SNTG1: variants seen among roughly 807,000 people sequenced by gnomAD.
The protein encoded by SNTG1 is syntrophin gamma 1, also known as gamma-1-syntrophin.
In SNTG1, 39 loss-of-function variants were observed where a neutral mutation model predicts 74.7. The ratio of observed to expected loss-of-function variants is 0.52; its 90% CI spans 0.40 to 0.68. The LOEUF is 0.68. SNTG1 is among the 30% of genes least tolerant of loss of function. The pLI is 0.00. For missense variants in SNTG1, 685 were observed against 609.5 expected, an observed-to-expected ratio of 1.12 and a Z score of -1.30; for synonymous variants, 254 against 217.1, an observed-to-expected ratio of 1.17 and a Z score of -1.49.
chr8:50,660,595 C>T (rs115514158), intron 15 of SNTG1, among the ~76,000 whole-genome samples: 3,099 of 152,136 alleles, frequency 0.02, 40 homozygotes, highest in Middle Eastern at 0.041. Flanking sequence ...TACACTAATA[C>T]AACTTTTATC....
At chr8:49,938,639 C>CTTTCTTTCTTTCTTTCTTTCTTTCTTTA (rs1563371286) in intron 1 of SNTG1, among the ~76,000 whole-genome samples, 1 of 110,004 alleles carries the variant, frequency 9.1e-6, no homozygotes, top group Non-Finnish European at 1.9e-5. Flanking sequence ...TTCTTTCTTT[C>CTTTCTTTCTTTCTTTCTTTCTTTCTTTA]TTTCCTTCCT....
rs941042042 is a variant in SNTG1 at position 50,503,427 on chromosome 8, A to G, written c.466+547A>G. 3.3e-5 allele frequency among the ~76,000 whole-genome samples: 5 copies of G among 152,336 alleles called. No homozygotes were observed. The South Asian group carries it at 6.2e-4, about 19-fold the overall frequency. On this transcript the variant is annotated intron_variant, in intron 9 of 18. Coordinates refer to ENST00000642720, the MANE Select transcript of SNTG1 (RefSeq NM_018967.5). ...AATAATATATGTTTCACTGAGACATAATTTGTATGCAATAAAATACAAAGA... is the reference window on the plus strand; with the variant it reads ...AATAATATATGTTTCACTGAGACATGATTTGTATGCAATAAAATACAAAGA...
rs1163259375 is a variant in SNTG1, at chr8:50,607,478, CTTAT to C, written c.849+16565_849+16568del. 5.9e-5 allele frequency among the ~76,000 whole-genome samples: 9 copies of C among 151,620 alleles called. No homozygotes were observed. In the East Asian group the frequency reaches 9.7e-4, roughly 16 times the overall value. The stretch of plus-strand genomic sequence containing the variant: ...CTAGGAATTCATGCATTTCATTTTA[CTTAT>C]TTAAGTCATTGGTATATATTTATTT... On this transcript the variant is annotated intron_variant, in intron 13 of 18. Transcript: ENST00000642720.
intron 12 of SNTG1, among the ~76,000 whole-genome samples, chr8:50,577,236 T>C (rs561404517): frequency 6.5e-4 from 99 of 152,174 alleles, no homozygotes; most frequent in Non-Finnish European, 1.2e-3. Context: ...GATGATTATC[T>C]GCTTTTTGCT....
chr8:50,781,145 AG>A (rs2095658204), intron 18 of SNTG1, among the ~76,000 whole-genome samples: 1 of 152,146 alleles, frequency 6.6e-6, no homozygotes, highest in Non-Finnish European at 1.5e-5. Flanking sequence ...ATTTAGGAAT[AG>A]GTGTTGTATG....
chr8:49,987,611 A>C (rs183054198), intron 1 of SNTG1, among the ~76,000 whole-genome samples: 2 of 151,988 alleles, frequency 1.3e-5, no homozygotes, highest in African/African-American at 4.8e-5. Flanking sequence ...AGGTCGGTGC[A>C]AAAGTAATTG....
In SNTG1 at chr8:50,523,355, AGAGGC is replaced by A. The variant is rs2094195335; in HGVS notation, c.467-6821_467-6817del. ...ATTCACAACTTGGCTAACTGGCAGAAGAGGCTAAGCTTTTGGCTTATCTTGGCTTT... is the reference window on the plus strand; with the variant it reads ...ATTCACAACTTGGCTAACTGGCAGAATAAGCTTTTGGCTTATCTTGGCTTT... On this transcript the variant is annotated intron_variant, in intron 9 of 18. Coordinates refer to ENST00000642720, the MANE Select transcript of SNTG1 (RefSeq NM_018967.5). 2.0e-5 allele frequency among the ~76,000 whole-genome samples: 3 copies of A among 152,244 alleles called. No homozygotes were observed. The East Asian group carries it at 5.8e-4, about 29-fold the overall frequency.
At chr8:50,132,785 C>T (rs557659717) in intron 1 of SNTG1, among the ~76,000 whole-genome samples, 1 of 152,254 alleles carries the variant, frequency 6.6e-6, no homozygotes, top group South Asian at 2.1e-4. Context: ...ATAAAATTCT[C>T]AAAAGCCTTA....
chr8:49,987,917 T>C (rs1298658076), intron 1 of SNTG1, among the ~76,000 whole-genome samples: 1 of 152,098 alleles, frequency 6.6e-6, no homozygotes, highest in Admixed American at 6.5e-5. Flanking sequence ...CAAAGTTAAA[T>C]TAACCTTTTA....
chr8:50,214,799 G>A (rs770894372), intron 2 of SNTG1, among the ~76,000 whole-genome samples: 14 of 152,150 alleles, frequency 9.2e-5, no homozygotes, highest in Non-Finnish European at 1.8e-4. Context: ...CTGGCAAATA[G>A]AGAATAGCCA....
chr8:50,123,782 C>T lies in SNTG1; in HGVS notation c.-102-48779C>T, dbSNP rs1017099300. The stretch of plus-strand genomic sequence containing the variant: ...TCCTGTGTGACAAATAGCTGTGTAA[C>T]CTACAGGTAGCAGCTAAAAATGCAC... On this transcript the variant is annotated intron_variant, in intron 1 of 18. Coordinates refer to ENST00000642720, the MANE Select transcript of SNTG1 (RefSeq NM_018967.5). Among the ~76,000 whole-genome samples, 2 of 142,130 alleles carry T rather than the reference C, an allele frequency of 1.4e-5. 1 individual carries two copies. Among genetic ancestry groups the T allele is most frequent in the African/African-American group, 5.1e-5 (2 of 39,330 alleles). 93.2% of individuals were successfully genotyped at this position (142,130 alleles called of 152,430 possible).
chr8:50,484,680 A>G (rs1446907601), intron 8 of SNTG1, among the ~76,000 whole-genome samples: 2 of 151,598 alleles, frequency 1.3e-5, no homozygotes, highest in Admixed American at 1.3e-4. Context: ...TCCAACAGGA[A>G]GAAACCCTAG....
rs542157433 is a variant in SNTG1, at chr8:50,130,965, A to C, written c.-102-41596A>C. ...TCATTGACTGTAAACTTGAAATTTT[A>C]GAATGTCTTCTTAATTTAACAACAG... is the stretch of plus-strand genomic sequence containing the variant. On this transcript the variant is annotated intron_variant, in intron 1 of 18. Coordinates refer to ENST00000642720, the MANE Select transcript of SNTG1 (RefSeq NM_018967.5). 4.3e-4 allele frequency among the ~76,000 whole-genome samples: 66 copies of C among 152,216 alleles called. 1 individual carries two copies. The South Asian group carries it at 0.014, about 32-fold the overall frequency.
intron 1 of SNTG1, among the ~76,000 whole-genome samples, chr8:50,036,150 C>T (rs945294748): frequency 5.3e-5 from 8 of 152,126 alleles, no homozygotes; most frequent in Non-Finnish European, 1.2e-4. Context: ...TGTGAATGCA[C>T]AAGAATATGC....
chr8:50,704,744 C>T lies in SNTG1; in HGVS notation c.1183C>T (p.Arg395Trp), dbSNP rs571644446. 26 of 1,614,004 alleles carry T rather than the reference C, an allele frequency of 1.6e-5. No homozygotes were observed. The highest frequency in any genetic ancestry group is 2.2e-5 in the South Asian group (2 of 91,072). Reference sequence around the variant, plus strand: ...GACAGCAACCTTTCTAGAAGTAGAACGGATACAGGTGAGAGTCTGTGGGAC... The same window carrying T: ...GACAGCAACCTTTCTAGAAGTAGAATGGATACAGGTGAGAGTCTGTGGGAC... ...FQTATFLEVE[R>W]IQCKTYACVL... Residue 395 changes from arginine to tryptophan, a missense_variant, in exon 16 of 19, where the codon CGG (arginine) becomes TGG (tryptophan). Transcript: ENST00000642720.
At chr8:50,587,167 A>G (rs1248279812) in intron 12 of SNTG1, among the ~76,000 whole-genome samples, 3 of 150,540 alleles carry the variant, frequency 2.0e-5, no homozygotes, top group Middle Eastern at 3.5e-3. Flanking sequence ...ATAAATTTAT[A>G]TATGTTTAAT....
chr8:50,722,652 T>C (rs1053998462), intron 17 of SNTG1, among the ~76,000 whole-genome samples: 3 of 152,296 alleles, frequency 2.0e-5, no homozygotes, highest in South Asian at 2.1e-4. Context: ...AATCAGCCCT[T>C]AGATTGAAAC....
At chr8:50,734,767 G>C (rs1398582952) in intron 17 of SNTG1, among the ~76,000 whole-genome samples, 1 of 99,966 alleles carries the variant, frequency 1.0e-5, no homozygotes, top group Non-Finnish European at 1.8e-5. Context: ...CTATATATAT[G>C]GACATATATA....
At chr8:49,994,076 T>C (rs1403168260) in intron 1 of SNTG1, among the ~76,000 whole-genome samples, 2 of 152,048 alleles carry the variant, frequency 1.3e-5, no homozygotes, top group Admixed American at 6.6e-5. Flanking sequence ...TTTTCAGTGT[T>C]TTTAAATTGT....
Sources: allele counts gnomAD v4.1 joint callset (sites outside exome capture counted in the v4.1 genomes callset), GRCh38; gene constraint gnomAD v4.1.1; transcripts MANE v1.5; gene names NCBI Gene and HGNC (gene_info 2026-07-23, HGNC 2026-07-21).